SDSL: variants seen among roughly 807,000 people sequenced by gnomAD.
SDSL encodes serine dehydratase like.
In SDSL, 26 loss-of-function variants were observed where a neutral mutation model predicts 27.6. That is an observed-to-expected ratio of 0.94 (90% confidence interval 0.69 to 1.31). The LOEUF is 1.31. Ranked by LOEUF, SDSL falls within the 50% of genes most tolerant of loss-of-function variation. The pLI is 0.00. For synonymous variants in SDSL, 196 were observed against 180.6 expected (o/e 1.09, Z -0.69); for missense variants, 431 against 423.5 (o/e 1.02, Z -0.16).
At chr12:113,432,280 CTTTCTTTCT>C (rs1207842776) in intron 4 of SDSL, among the ~76,000 whole-genome samples, 3 of 129,260 alleles carry the variant, frequency 2.3e-5, no homozygotes, top group East Asian at 2.1e-4. Flanking sequence ...TTCTTTCTTT[CTTTCTTTCT>C]TTCTCTCTCT....
At chr12:113,426,284 C>T (rs1222051438) in intron 1 of SDSL, 1 of 455,834 alleles carries the variant, frequency 2.2e-6, no homozygotes, top group Non-Finnish European at 4.4e-6. Context: ...TCAAAGTTCC[C>T]CTTTCAAGAA....
chr12:113,423,526 T>C (rs1957814801), intron 1 of SDSL, among the ~76,000 whole-genome samples: 1 of 152,174 alleles, frequency 6.6e-6, no homozygotes, highest in Non-Finnish European at 1.5e-5. Context: ...GAGATTTACC[T>C]GAGGCCAGGA....
chr12:113,432,265 T>TTTCTTTTTTTC lies in SDSL; in HGVS notation c.355-1863_355-1862insTTTTCTTCTTT, dbSNP rs1555210073. On this transcript the variant is annotated intron_variant, in intron 4 of 7. Coordinates refer to ENST00000403593, the MANE Select transcript of SDSL (RefSeq NM_001304993.2). ...CTTTCTTTCTTTCTTTCTTTCTTTC[T>TTTCTTTTTTTC]TTCTTTCTTTCTTTCTTTCTTTCTT... 4.4e-3 allele frequency among the ~76,000 whole-genome samples: 598 copies of TTTCTTTTTTTC among 137,376 alleles called. 12 individuals are homozygous for TTTCTTTTTTTC. The highest frequency in any genetic ancestry group is 0.016 in the African/African-American group (576 of 35,240). 90.1% of individuals were successfully genotyped at this position (137,376 alleles called of 152,430 possible). A position where few individuals can be genotyped will look rare whatever the true frequency, so the allele number is the denominator to read the frequency against.
intron 1 of SDSL, among the ~76,000 whole-genome samples, chr12:113,423,402 G>T (rs1051247505): frequency 6.6e-6 from 1 of 152,038 alleles, no homozygotes. Flanking sequence ...AATCTCTCTG[G>T]ACCTCAGGTT....
chr12:113,424,217 TC>T (rs1642734388), intron 1 of SDSL, among the ~76,000 whole-genome samples: 1 of 151,990 alleles, frequency 6.6e-6, no homozygotes, highest in Non-Finnish European at 1.5e-5. Context: ...AGACGGGGTT[TC>T]TCCATGTTGG....
chr12:113,437,934 C>T lies in SDSL; in HGVS notation c.845C>T (p.Ala282Val), dbSNP rs750425620. The change falls in exon 8 of 8, where the codon GCC becomes GTC. Residue 282 changes from alanine (A) to valine (V), a missense_variant. Transcript: ENST00000403593. ...VEPACGAALA[A>V]IYSGLLRRLQ... ...CCTGCCTGTGGGGCAGCCTTAGCAG[C>T]CATCTACTCAGGCCTCCTGCGGAGG... The T allele has an allele frequency of 1.9e-6, 3 of 1,613,634 alleles. No homozygotes were observed. In the South Asian group the frequency reaches 3.3e-5, roughly 18 times the overall value.
chr12:113,434,842 C>T (rs527630267), intron 5 of SDSL, among the ~76,000 whole-genome samples: 4 of 152,322 alleles, frequency 2.6e-5, no homozygotes, highest in African/African-American at 4.8e-5. Context: ...AGGCCAGGCG[C>T]GGTGGCTCAC....
At chr12:113,428,765 C>G (rs990425715) in intron 3 of SDSL, among the ~76,000 whole-genome samples, 2 of 152,138 alleles carry the variant, frequency 1.3e-5, no homozygotes, top group East Asian at 3.9e-4. Flanking sequence ...CTCTCCTTCT[C>G]TGGACTTTGC....
In SDSL at chr12:113,429,141, T is replaced by A. The variant is rs1270026911; in HGVS notation, c.215-19T>A. The A allele has an allele frequency of 6.2e-7, 1 of 1,605,566 alleles. No individual in the cohort carries two copies. The highest frequency in any genetic ancestry group is 8.5e-7 in the Non-Finnish European group (1 of 1,174,218). ...GCCAATCAGCTCTGCCCACTGCCCC[T>A]TTCCTCCTTTCTGCACAGGGGGTAA... On this transcript the variant is annotated intron_variant, in intron 3 of 7. Transcript: ENST00000403593.
chr12:113,434,475 A>G (rs1957966553), intron 5 of SDSL, among the ~76,000 whole-genome samples: 1 of 152,190 alleles, frequency 6.6e-6, no homozygotes, highest in African/African-American at 2.4e-5. Flanking sequence ...CCTTTACTGA[A>G]TATGTGCTTT....
At position 113,434,217 on chromosome 12, in the gene SDSL, A is replaced by G; in HGVS notation, c.438A>G (p.Leu146=). 3 of 1,612,054 alleles carry G rather than the reference A, an allele frequency of 1.9e-6. No homozygotes were observed. The South Asian group carries it at 3.3e-5, about 18-fold the overall frequency. The change falls in exon 5 of 8, where the codon CTA becomes CTG. Residue 146 remains leucine, a synonymous_variant. Coordinates refer to ENST00000403593, the MANE Select transcript of SDSL (RefSeq NM_001304993.2). ...WENVPPFDHP[L]IWKGHASLVQ... ...ATGTCCCCCCGTTTGACCACCCCCT[A>G]ATATGGTAAGGCTGACGCCCCTCTC...
chr12:113,431,760 G>T (rs190309833), intron 4 of SDSL, among the ~76,000 whole-genome samples: 1 of 138,818 alleles, frequency 7.2e-6, no homozygotes, highest in South Asian at 2.3e-4. Context: ...TTTTTTTTGA[G>T]ACGAGTCTCG....
intron 4 of SDSL, among the ~76,000 whole-genome samples, chr12:113,433,831 T>C (rs1242491072): frequency 6.6e-6 from 1 of 152,214 alleles, no homozygotes; most frequent in Non-Finnish European, 1.5e-5. Context: ...GTGGGCACCA[T>C]GTGGCTGACC....
At chr12:113,434,093 C>T (rs747006975) in intron 4 of SDSL, 41 bp from the exon 5 acceptor site, 2 of 1,554,242 alleles carry the variant, frequency 1.3e-6, no homozygotes, top group African/African-American at 1.4e-5. Flanking sequence ...CCATAGCAGT[C>T]CCACTCCCGG....
At chr12:113,427,503 T>C (rs1393656415) in intron 1 of SDSL, among the ~76,000 whole-genome samples, 3 of 152,260 alleles carry the variant, frequency 2.0e-5, no homozygotes, top group Non-Finnish European at 4.4e-5. Flanking sequence ...CTGAGAGATG[T>C]CTTTCATGAT....
intron 2 of SDSL, 112 bp from the exon 3 acceptor site, chr12:113,428,308 T>C: frequency 7.6e-7 from 1 of 1,315,256 alleles, no homozygotes; most frequent in East Asian, 2.5e-5. Flanking sequence ...GTGGGCAGGA[T>C]GAGGGGTAAA....
chr12:113,437,887 T>C lies in SDSL; in HGVS notation c.798T>C (p.Asp266=). 1 of 1,595,672 alleles carries C rather than the reference T, an allele frequency of 6.3e-7. No homozygotes were observed. Among genetic ancestry groups the C allele is most frequent in the Non-Finnish European group, 8.5e-7 (1 of 1,171,328 alleles). The change falls in exon 8 of 8, where the codon GAT becomes GAC. Residue 266 remains aspartate (D), a splice_region_variant and synonymous_variant. Transcript: ENST00000403593. ...CTCTCCATCCCCCGATCCTGGCAGATGATGAGCGTATGCTGGTGGAGCCTG... is the reference window on the plus strand; with the variant it reads ...CTCTCCATCCCCCGATCCTGGCAGACGATGAGCGTATGCTGGTGGAGCCTG... ...EAVSAVQQLL[D]DERMLVEPAC...
chr12:113,436,301 T>C (rs1339535625), intron 6 of SDSL, among the ~76,000 whole-genome samples: 1 of 152,094 alleles, frequency 6.6e-6, no homozygotes, highest in Admixed American at 6.5e-5. Context: ...GCATTTTTTT[T>C]TTTTTGAGAT....
chr12:113,425,506 A>G (rs1056831909), intron 1 of SDSL, among the ~76,000 whole-genome samples: 3 of 152,154 alleles, frequency 2.0e-5, no homozygotes, highest in Non-Finnish European at 4.4e-5. Context: ...GGGCAGGGGA[A>G]GTTGCAGCGC....
Sources: gnomAD v4.1 joint callset for allele counts (sites outside exome capture counted in the v4.1 genomes callset) on GRCh38, gnomAD v4.1.1 for gene constraint, MANE v1.5 for transcripts, NCBI Gene and HGNC (gene_info 2026-07-23, HGNC 2026-07-21) for gene names.